Variants in ABCA13 observed in about 807,000 individuals in gnomAD.
ABCA13 encodes ATP binding cassette subfamily A member 13.
ABCA13 carries 476 observed loss-of-function variants against 478.7 expected under a neutral mutation model. The ratio of observed to expected loss-of-function variants is 0.99; its 90% CI spans 0.92 to 1.07. The LOEUF (loss-of-function observed/expected upper bound fraction) is 1.07. ABCA13 is among the 50% of genes least tolerant of loss of function. ABCA13 has a pLI of 0.00. For synonymous variants in ABCA13, 2,252 were observed against 2,158.9 expected (o/e 1.04, Z -1.20); for missense variants, 6,060 against 5,910.6 (o/e 1.03, Z -0.83).
Position 48,392,083 on chromosome 7 carries a change from T to A in ABCA13, c.11817T>A (p.Phe3939Leu). Reference sequence around the variant, plus strand: ...CCGTCCGGGAACATTTGCTGCTCTTTGCTTCCATAAAGGCGCCTCAGTGGA... The same window carrying A: ...CCGTCCGGGAACATTTGCTGCTCTTAGCTTCCATAAAGGCGCCTCAGTGGA... ...NLTVREHLLL[F>L]ASIKAPQWTK... is the part of the protein sequence containing the mutation. Residue 3939 changes from phenylalanine to leucine, a missense_variant, in exon 38 of 62, where the codon TTT (phenylalanine) becomes TTA (leucine). Physicochemically the swap from Phe to Leu is conservative, Grantham distance 22 (BLOSUM62 0). Around this residue, in one of 3 missense-constraint regions of ABCA13, gnomAD observed 1,627 missense variants for 1,571.0 expected, o/e 1.04. Coordinates refer to ENST00000435803, the MANE Select transcript of ABCA13 (RefSeq NM_152701.5). 1.2e-6 allele frequency: 2 copies of A among 1,613,952 alleles called. No individual in the cohort carries two copies. Among genetic ancestry groups the A allele is most frequent in the Non-Finnish European group, 1.7e-6 (2 of 1,179,856 alleles).
At chr7:48,521,219 G>A (rs1246563340) in intron 53 of ABCA13, among the ~76,000 whole-genome samples, 2 of 152,172 alleles carry the variant, frequency 1.3e-5, no homozygotes, top group Non-Finnish European at 2.9e-5. Context: ...CCATACCCAA[G>A]TGGCCTGAAT....
At chr7:48,479,009 G>A (rs1038013409) in intron 45 of ABCA13, among the ~76,000 whole-genome samples, 43 of 149,480 alleles carry the variant, frequency 2.9e-4, no homozygotes, top group Non-Finnish European at 4.9e-4. Context: ...GTGCAGTGGC[G>A]CGATCTTGGC....
At chr7:48,598,121 C>G (rs1790491060) in intron 58 of ABCA13, among the ~76,000 whole-genome samples, 1 of 152,176 alleles carries the variant, frequency 6.6e-6, no homozygotes, top group South Asian at 2.1e-4. Flanking sequence ...TGCCTAACCC[C>G]TGGTAACCAC....
At chr7:48,552,969 C>CA (rs1412761163) in intron 55 of ABCA13, among the ~76,000 whole-genome samples, 5 of 147,706 alleles carry the variant, frequency 3.4e-5, no homozygotes, top group Non-Finnish European at 7.7e-5. Flanking sequence ...CCTACACACC[C>CA]ACTACCCTCC....
intron 27 of ABCA13, among the ~76,000 whole-genome samples, chr7:48,331,121 C>A (rs1805333062): frequency 6.6e-6 from 1 of 152,032 alleles, no homozygotes; most frequent in Non-Finnish European, 1.5e-5. Flanking sequence ...TACAACAGAA[C>A]AAATAAACCC....
At chr7:48,203,190 CG>C (rs1799080671) in intron 3 of ABCA13, among the ~76,000 whole-genome samples, 1 of 152,114 alleles carries the variant, frequency 6.6e-6, no homozygotes, top group South Asian at 2.1e-4. Context: ...CCGGCAGGGC[CG>C]GCCGGCTGCT....
chr7:48,476,471 A>C (rs1163162635), intron 45 of ABCA13, among the ~76,000 whole-genome samples: 1 of 147,910 alleles, frequency 6.8e-6, no homozygotes, highest in African/African-American at 2.5e-5. Context: ...GAGGGAACAC[A>C]GGGTTTTTTA....
chr7:48,378,645 T>C (rs1267542800), intron 35 of ABCA13, among the ~76,000 whole-genome samples: 1 of 152,154 alleles, frequency 6.6e-6, no homozygotes, highest in African/African-American at 2.4e-5. Flanking sequence ...AATCCTGCAG[T>C]CTCACAATAT....
chr7:48,239,229 T>G lies in ABCA13; in HGVS notation c.898-12T>G, dbSNP rs1790437804. 2 of 1,613,618 alleles carry G rather than the reference T, an allele frequency of 1.2e-6. No homozygotes were observed. The highest frequency in any genetic ancestry group is 2.7e-5 in the African/African-American group (2 of 75,052). On this transcript the variant is annotated splice_polypyrimidine_tract_variant and intron_variant, in intron 8 of 61. Coordinates refer to ENST00000435803, the MANE Select transcript of ABCA13 (RefSeq NM_152701.5). The stretch of plus-strand genomic sequence containing the variant: ...AGCTTTATGTCTAAATATTTTTTCA[T>G]ATTGTTGTCAGATTCCCACAGACAC...
intron 3 of ABCA13, among the ~76,000 whole-genome samples, chr7:48,218,280 T>C (rs746680355): frequency 1.7e-4 from 26 of 152,366 alleles, no homozygotes; most frequent in Non-Finnish European, 3.4e-4. Context: ...TCATGGTTCA[T>C]AGCTTTCAGA....
At chr7:48,299,718 G>A (rs1799886070) in intron 23 of ABCA13, among the ~76,000 whole-genome samples, 10 of 152,144 alleles carry the variant, frequency 6.6e-5, no homozygotes, top group Admixed American at 5.2e-4. Context: ...TACTTTTTGG[G>A]TTTGGGCTCA....
rs1280146497 is a variant in ABCA13, at chr7:48,274,380, T to C, written c.4714T>C (p.Ser1572Pro). 1 of 1,612,916 alleles carries C rather than the reference T, an allele frequency of 6.2e-7. No individual in the cohort carries two copies. Among genetic ancestry groups the C allele is most frequent in the East Asian group, 2.2e-5 (1 of 44,870 alleles). Residue 1572 changes from serine (S) to proline (P), a missense_variant, in exon 17 of 62, where the codon TCT becomes CCT. Physicochemically the swap from Ser to Pro is moderately conservative, Grantham distance 74. This residue lies in a region of ABCA13 where 4,423 missense variants were observed against 4,309.1 expected (regional missense o/e 1.03). Coordinates refer to ENST00000435803, the MANE Select transcript of ABCA13 (RefSeq NM_152701.5). ...YFNILENNSS[S>P]KTENLLNIFA... Reference sequence around the variant, plus strand: ...TAACATCCTGGAAAATAATTCCTCTTCTAAAACTGAAAACTTGTTAAACAT... The same window carrying C: ...TAACATCCTGGAAAATAATTCCTCTCCTAAAACTGAAAACTTGTTAAACAT...
intron 55 of ABCA13, among the ~76,000 whole-genome samples, chr7:48,566,133 A>G (rs766105862): frequency 6.6e-6 from 1 of 152,174 alleles, no homozygotes. Context: ...TGCTGATAAT[A>G]TAAAGGAAAT....
chr7:48,490,160 T>G (rs1042913964), intron 48 of ABCA13, among the ~76,000 whole-genome samples: 1 of 152,192 alleles, frequency 6.6e-6, no homozygotes, highest in African/African-American at 2.4e-5. Context: ...TTTGTGGCAT[T>G]GTAATTATTT....
At chr7:48,507,814 G>C (rs1438380987) in intron 49 of ABCA13, 58 bp from the exon 50 acceptor site, 12 of 1,496,928 alleles carry the variant, frequency 8.0e-6, no homozygotes, top group Non-Finnish European at 1.1e-5. Flanking sequence ...ATTGTTATTA[G>C]CAAAGAAGGC....
At chr7:48,254,324 T>C (rs1466650248) in intron 15 of ABCA13, among the ~76,000 whole-genome samples, 2 of 152,118 alleles carry the variant, frequency 1.3e-5, no homozygotes, top group Admixed American at 6.6e-5. Flanking sequence ...AATGCAGTGG[T>C]ACAACCATAG....
intron 32 of ABCA13, among the ~76,000 whole-genome samples, chr7:48,371,165 T>A (rs964215712): frequency 1.2e-4 from 19 of 152,224 alleles, no homozygotes; most frequent in African/African-American, 4.6e-4. Flanking sequence ...AGTACCATGC[T>A]GTTTTGGTTA....
chr7:48,415,515 C>A (rs1382773591), intron 41 of ABCA13, among the ~76,000 whole-genome samples: 2 of 152,124 alleles, frequency 1.3e-5, no homozygotes, highest in Non-Finnish European at 2.9e-5. Flanking sequence ...ATGGACCAAG[C>A]ACACTTATCA....
At chr7:48,330,183 G>A (rs796786630) in intron 27 of ABCA13, among the ~76,000 whole-genome samples, 2 of 141,064 alleles carry the variant, frequency 1.4e-5, no homozygotes, top group African/African-American at 2.7e-5. Flanking sequence ...CCATCCATCC[G>A]TCCATTAATC....
Sources: gnomAD v4.1 joint callset for allele counts (sites outside exome capture counted in the v4.1 genomes callset) on GRCh38, gnomAD v4.1.1 for gene constraint, gnomAD v4.1.1 regional missense constraint, MANE v1.5 for transcripts, NCBI Gene and HGNC (gene_info 2026-07-23, HGNC 2026-07-21) for gene names.